NAALADL2: variants seen among roughly 807,000 people sequenced by gnomAD.
NAALADL2 encodes N-acetylated alpha-linked acidic dipeptidase like 2.
In NAALADL2, 76 loss-of-function variants were observed where a neutral mutation model predicts 87.2. The ratio of observed to expected loss-of-function variants is 0.87; its 90% CI spans 0.72 to 1.05. NAALADL2 has a LOEUF of 1.05. NAALADL2 is among the 50% of genes least tolerant of loss of function. The pLI, the probability that NAALADL2 is intolerant of heterozygous loss-of-function variation, is 0.00. For synonymous variants in NAALADL2, 354 were observed against 331.0 expected, an observed-to-expected ratio of 1.07 and a Z score of -0.75; for missense variants, 1,089 against 945.8, an observed-to-expected ratio of 1.15 and a Z score of -1.99.
intron 3 of NAALADL2, among the ~76,000 whole-genome samples, chr3:174,751,756 A>G (rs750229364): frequency 2.0e-5 from 3 of 152,004 alleles, no homozygotes; most frequent in African/African-American, 7.2e-5. Context: ...TGCATATCTA[A>G]TAACTTTCAT....
At chr3:175,477,462 A>C (rs1725850685) in intron 9 of NAALADL2, among the ~76,000 whole-genome samples, 1 of 152,096 alleles carries the variant, frequency 6.6e-6, no homozygotes, top group Non-Finnish European at 1.5e-5. Context: ...TGTTTGGAAA[A>C]CACCTGCATA....
chr3:175,051,277 C>T (rs549721048), intron 1 of NAALADL2, among the ~76,000 whole-genome samples: 32 of 152,124 alleles, frequency 2.1e-4, no homozygotes, highest in Non-Finnish European at 8.8e-5. Flanking sequence ...TGAACACAAA[C>T]TTAGTGGGTT....
chr3:175,103,089 A>G (rs1298850785), intron 2 of NAALADL2, among the ~76,000 whole-genome samples: 1 of 144,570 alleles, frequency 6.9e-6, no homozygotes, highest in Non-Finnish European at 1.5e-5. Context: ...GCCAAACGGC[A>G]GAGCGAGACT....
At chr3:175,775,882 C>G (rs1750165958) in intron 13 of NAALADL2, among the ~76,000 whole-genome samples, 1 of 152,080 alleles carries the variant, frequency 6.6e-6, no homozygotes, top group African/African-American at 2.4e-5. Context: ...TGGAAAATAG[C>G]AAATAAATTC....
At chr3:175,716,274 ATATATAT>A (rs919999924) in intron 11 of NAALADL2, among the ~76,000 whole-genome samples, 49 of 146,208 alleles carry the variant, frequency 3.4e-4, no homozygotes, top group Non-Finnish European at 6.3e-4. Context: ...AATATATATA[ATATATAT>A]TATGTTATTA....
At chr3:174,870,872 A>G (rs1429268508) in intron 1 of NAALADL2, among the ~76,000 whole-genome samples, 1 of 152,154 alleles carries the variant, frequency 6.6e-6, no homozygotes, top group Non-Finnish European at 1.5e-5. Context: ...TTTTCTATAG[A>G]CACTGTATTT....
intron 9 of NAALADL2, among the ~76,000 whole-genome samples, chr3:175,538,600 G>T (rs778880438): frequency 6.6e-6 from 1 of 152,072 alleles, no homozygotes; most frequent in African/African-American, 2.4e-5. Flanking sequence ...GATAGATAGA[G>T]ATATAAATGA....
intron 13 of NAALADL2, chr3:175,775,008 G>A (rs1750021832): frequency 6.6e-6 from 1 of 151,218 alleles, no homozygotes; most frequent in Admixed American, 6.6e-5. Context: ...TCTTATAGAT[G>A]ATATACCCCA....
At chr3:175,134,012 T>G (rs1728689684) in intron 2 of NAALADL2, among the ~76,000 whole-genome samples, 2 of 152,340 alleles carry the variant, frequency 1.3e-5, no homozygotes, top group South Asian at 4.1e-4. Context: ...CTATCTGGCC[T>G]GTGACTAGTG....
intron 1 of NAALADL2, among the ~76,000 whole-genome samples, chr3:174,452,588 C>T (rs1315556677): frequency 6.6e-6 from 1 of 152,042 alleles, no homozygotes; most frequent in African/African-American, 2.4e-5. Context: ...TTCCTAATTT[C>T]GAGGAGCCAG....
intron 1 of NAALADL2, among the ~76,000 whole-genome samples, chr3:174,511,448 A>C (rs1018976643): frequency 1.3e-5 from 2 of 151,770 alleles, no homozygotes; most frequent in African/African-American, 4.8e-5. Flanking sequence ...TGCTCTCAGA[A>C]CTTCTTTTCT....
At chr3:175,502,644 A>G (rs532410857) in intron 9 of NAALADL2, among the ~76,000 whole-genome samples, 1 of 152,148 alleles carries the variant, frequency 6.6e-6, no homozygotes, top group East Asian at 1.9e-4. Flanking sequence ...GGAACTTCAC[A>G]GCCTCGTTAA....
intron 1 of NAALADL2, among the ~76,000 whole-genome samples, chr3:174,979,304 CTTTTTTT>C (rs5854604): frequency 1.9e-5 from 2 of 105,222 alleles, no homozygotes; most frequent in Non-Finnish European, 3.6e-5. Context: ...TCTTTCTTTT[CTTTTTTT>C]TTTTTTTTTT....
chr3:175,426,161 C>T (rs1187562133), intron 5 of NAALADL2, among the ~76,000 whole-genome samples: 5 of 152,012 alleles, frequency 3.3e-5, no homozygotes, highest in Admixed American at 6.6e-5. Flanking sequence ...GTCAAGAGTT[C>T]GAGACCAGTC....
chr3:175,357,704 A>G (rs1017301771), intron 5 of NAALADL2, among the ~76,000 whole-genome samples: 2 of 152,216 alleles, frequency 1.3e-5, no homozygotes, highest in African/African-American at 2.4e-5. Context: ...AGAAATATGG[A>G]GAATTATGCA....
At chr3:174,773,000 G>A (rs1462369656) in intron 3 of NAALADL2, among the ~76,000 whole-genome samples, 2 of 152,180 alleles carry the variant, frequency 1.3e-5, no homozygotes, top group Non-Finnish European at 2.9e-5. Flanking sequence ...TATGTAAGAT[G>A]GAATAGCCAT....
In NAALADL2 at chr3:174,781,990, T is replaced by TACA. The variant is rs776898789; in HGVS notation, c.-9+44246_-9+44248dup. Among the ~76,000 whole-genome samples, 30 of 152,274 alleles carry TACA rather than the reference T, an allele frequency of 2.0e-4. No individual in the cohort carries two copies. The East Asian group carries it at 5.6e-3, about 28-fold the overall frequency. ...AAGATTTTTATGCCCCAGGAGACAG[T>TACA]ACAAGATCATGTTTCTTTTTCTAGC... is the stretch of plus-strand genomic sequence containing the variant. On this transcript the variant is annotated intron_variant, in intron 3 of 3. Transcript: ENST00000434257.
At chr3:174,928,368 T>G (rs991622445) in intron 1 of NAALADL2, among the ~76,000 whole-genome samples, 1 of 152,080 alleles carries the variant, frequency 6.6e-6, no homozygotes, top group Non-Finnish European at 1.5e-5. Context: ...TCCTCTCGAG[T>G]ACCTGGGATT....
intron 2 of NAALADL2, among the ~76,000 whole-genome samples, chr3:174,574,686 T>A (rs1421528531): frequency 6.6e-6 from 1 of 152,154 alleles, no homozygotes; most frequent in African/African-American, 2.4e-5. Context: ...TTAAGTTTTC[T>A]TGTTCCTTCT....
Sources: allele counts gnomAD v4.1 joint callset (sites outside exome capture counted in the v4.1 genomes callset), GRCh38; gene constraint gnomAD v4.1.1; transcripts MANE v1.5; gene names NCBI Gene and HGNC (gene_info 2026-07-23, HGNC 2026-07-21).